The following DDHD2 variants were observed in gnomAD, a reference collection of about 807,000 sequenced individuals.
DDHD2 encodes triacylglycerol hydrolase DDHD2.
In DDHD2, 62 loss-of-function variants were observed where a neutral mutation model predicts 91.2. The observed-to-expected ratio is 0.68, with a 90% CI of 0.55 to 0.84. The LOEUF (loss-of-function observed/expected upper bound fraction) is 0.84. Ranked by LOEUF, DDHD2 falls within the 40% of genes least tolerant of loss-of-function variation. The pLI is 0.00. For synonymous variants in DDHD2, 271 were observed against 293.9 expected (o/e 0.92, Z 0.80); for missense variants, 740 against 846.9 (o/e 0.87, Z 1.57).
chr8:38,248,772 C>T (rs928211385), intron 10 of DDHD2, among the ~76,000 whole-genome samples: 1 of 151,674 alleles, frequency 6.6e-6, no homozygotes, highest in East Asian at 2.0e-4. Context: ...TGGTGAAACC[C>T]TGTCTGTACT....
At chr8:38,238,789 T>C in intron 5 of DDHD2, 2 of 652,494 alleles carry the variant, frequency 3.1e-6, no homozygotes, top group Non-Finnish European at 3.8e-6. Flanking sequence ...CAATGTTCAG[T>C]TGCCTGGATT....
intron 4 of DDHD2, 47 bp downstream of exon 4, chr8:38,237,674 A>G (rs1380344894): frequency 8.6e-6 from 9 of 1,051,562 alleles, no homozygotes; most frequent in Admixed American, 2.6e-5. Context: ...TAATTGCGCT[A>G]TTAGGGAGAA....
chr8:38,267,353 C>T (rs774493946), downstream of DDHD2: 3 of 1,613,936 alleles, frequency 1.9e-6, no homozygotes, highest in South Asian at 2.2e-5. Flanking sequence ...ATGGGCTAGC[C>T]CATCAGGGAA....
chr8:38,247,686 A>G (rs774605719), intron 9 of DDHD2, 27 bp from the exon 10 acceptor site: 2 of 1,419,274 alleles, frequency 1.4e-6, no homozygotes, highest in African/African-American at 1.5e-5. Flanking sequence ...AATTTCAAGA[A>G]TATGAGCTTT....
intron 14 of DDHD2, 32 bp from the exon 15 acceptor site, chr8:38,252,925 A>T (rs202015936): frequency 1.2e-6 from 2 of 1,612,612 alleles, no homozygotes; most frequent in East Asian, 2.2e-5. Flanking sequence ...CTCTTTGTAA[A>T]TCATTTAATG....
chr8:38,240,977 A>C (rs1805209715), intron 6 of DDHD2, among the ~76,000 whole-genome samples: 1 of 151,962 alleles, frequency 6.6e-6, no homozygotes, highest in African/African-American at 2.4e-5. Context: ...AGGCTGAGGC[A>C]AGAGAATCAC....
In DDHD2 at chr8:38,253,588, AAAG is replaced by A. The variant is rs755956939; in HGVS notation, c.1931_1933del (p.Glu644del). 2.2e-5 allele frequency: 36 copies of A among 1,614,150 alleles called. No homozygotes were observed. The highest frequency in any genetic ancestry group is 3.3e-4 in the Middle Eastern group (2 of 6,062). ...CACAGAAGAGACCTCTGTGGCAGTTAAAGAAGAAGTCCTGCCTATCAATGTGGG... is the reference window on the plus strand; with the variant it reads ...CACAGAAGAGACCTCTGTGGCAGTTAAAGAAGTCCTGCCTATCAATGTGGG... On this transcript the variant is annotated inframe_deletion, in exon 16 of 18. Transcript: ENST00000397166.
At chr8:38,244,223 C>T (rs1181913405) in intron 7 of DDHD2, among the ~76,000 whole-genome samples, 1 of 152,142 alleles carries the variant, frequency 6.6e-6, no homozygotes, top group Non-Finnish European at 1.5e-5. Context: ...GCTGGGATTA[C>T]AGGTGTGAGC....
At chr8:38,243,661 CTT>C (rs943064240) in intron 7 of DDHD2, among the ~76,000 whole-genome samples, 1 of 148,242 alleles carries the variant, frequency 6.7e-6, no homozygotes, top group Non-Finnish European at 1.5e-5. Context: ...CAGTTTGTAT[CTT>C]TTTTTTTTGG....
rs1402075433 is a variant in DDHD2 at position 38,260,000 on chromosome 8, T to C, written c.2055-40T>C. ...ATATATGTAAAACATTTGGCACAAG[T>C]GTTAGTTCCTTTTCTCAACATAATT... is the stretch of plus-strand genomic sequence containing the variant. On this transcript the variant is annotated intron_variant, in intron 16 of 17. Coordinates refer to ENST00000397166, the MANE Select transcript of DDHD2 (RefSeq NM_015214.3). 2.4e-6 allele frequency: 3 copies of C among 1,274,058 alleles called. No individual in the cohort carries two copies. In the African/African-American group the frequency reaches 4.4e-5, roughly 19 times the overall value. 78.9% of individuals were successfully genotyped at this position (1,274,058 alleles called of 1,614,324 possible). A position where few individuals can be genotyped will look rare whatever the true frequency, so the allele number is the denominator to read the frequency against.
At chr8:38,242,222 T>A in intron 6 of DDHD2, 28 bp from the exon 7 acceptor site, 1 of 1,552,396 alleles carries the variant, frequency 6.4e-7, no homozygotes, top group Non-Finnish European at 8.7e-7. Flanking sequence ...ACTTCATTGT[T>A]GATGCATAAG....
intron 10 of DDHD2, among the ~76,000 whole-genome samples, chr8:38,248,100 CAAAT>C (rs1307651258): frequency 2.6e-5 from 4 of 152,186 alleles, no homozygotes; most frequent in South Asian, 2.1e-4. Flanking sequence ...CAAGAACAAA[CAAAT>C]AAATAACCAT....
chr8:38,268,375 G>T, intron 1 of DDHD2: 1 of 1,566,330 alleles, frequency 6.4e-7, no homozygotes, highest in East Asian at 2.4e-5. Context: ...GCTCACCCAG[G>T]CAGGCTTGTC....
At chr8:38,268,738 C>CGA in intron 1 of DDHD2, 1 of 1,433,726 alleles carries the variant, frequency 7.0e-7, no homozygotes, top group Non-Finnish European at 9.1e-7. Context: ...CTTAAACACT[C>CGA]GAGCCCTAGG....
chr8:38,240,218 A>G, intron 5 of DDHD2, 57 bp from the exon 6 acceptor site: 1 of 1,007,852 alleles, frequency 9.9e-7, no homozygotes, highest in South Asian at 1.5e-5. Context: ...ATGATGAATG[A>G]TATTAGAATA....
chr8:38,268,134 C>T, intron 1 of DDHD2: 2 of 1,415,456 alleles, frequency 1.4e-6, no homozygotes, highest in Non-Finnish European at 9.3e-7. Context: ...AACTTTTGTA[C>T]TAGGCCAAAG....
At chr8:38,267,108 A>C, downstream of DDHD2, 3 of 1,483,248 alleles carry the variant, frequency 2.0e-6, no homozygotes, top group Non-Finnish European at 1.8e-6. Context: ...CCAAATAGTC[A>C]AGGCTCAGAC....
At chr8:38,266,159 A>C, downstream of DDHD2, 1 of 1,614,012 alleles carries the variant, frequency 6.2e-7, no homozygotes, top group Non-Finnish European at 8.5e-7. Context: ...TGATGCTTGT[A>C]GTCACATGTG....
At chr8:38,238,594 T>G in intron 5 of DDHD2, 1 of 1,018,566 alleles carries the variant, frequency 9.8e-7, no homozygotes, top group East Asian at 1.1e-4. Context: ...GATTATGCAC[T>G]GCTATCTAGG....
Sources: gnomAD v4.1 joint callset for allele counts (sites outside exome capture counted in the v4.1 genomes callset) on GRCh38, gnomAD v4.1.1 for gene constraint, MANE v1.5 for transcripts, NCBI Gene and HGNC (gene_info 2026-07-23, HGNC 2026-07-21) for gene names.